DPP3: variants seen among roughly 807,000 people sequenced by gnomAD.
DPP3 encodes the protein dipeptidyl peptidase 3, also known as DPP III.
Under a neutral mutation model 89.8 loss-of-function variants are expected in DPP3, and 64 were observed. The ratio of observed to expected loss-of-function variants is 0.71; its 90% CI spans 0.58 to 0.88. The LOEUF is 0.88. DPP3 is among the 40% of genes least tolerant of loss of function. The probability of loss-of-function intolerance (pLI) is 0.00; values close to 1 mark genes in which losing one functional copy is unlikely to be tolerated. For missense variants in DPP3, 835 were observed against 972.5 expected (o/e 0.86, Z 1.88); for synonymous variants, 377 against 404.3 (o/e 0.93, Z 0.81).
At chr11:66,499,469 A>G (rs1307813280) in intron 16 of DPP3, among the ~76,000 whole-genome samples, 1 of 151,830 alleles carries the variant, frequency 6.6e-6, no homozygotes, top group African/African-American at 2.4e-5. Flanking sequence ...CCACAGTAAA[A>G]TACAACAAGA....
At chr11:66,481,346 T>G (rs757494828) in intron 1 of DPP3, among the ~76,000 whole-genome samples, 93 of 152,098 alleles carry the variant, frequency 6.1e-4, no homozygotes, top group Non-Finnish European at 1.1e-3. Context: ...AAAAATTAGC[T>G]GGGCATGGTG....
intron 17 of DPP3, among the ~76,000 whole-genome samples, chr11:66,506,393 T>C (rs1354469538): frequency 6.6e-6 from 1 of 151,872 alleles, no homozygotes; most frequent in Non-Finnish European, 1.5e-5. Context: ...TAGCTGGGAT[T>C]ACAGGCGCGT....
At position 66,493,085 on chromosome 11, in the gene DPP3, C is replaced by G. The variant is rs141664031; in HGVS notation, c.1202C>G (p.Thr401Arg). 1.2e-6 allele frequency: 2 copies of G among 1,614,146 alleles called. No individual in the cohort carries two copies. Among genetic ancestry groups the G allele is most frequent in the Non-Finnish European group, 8.5e-7 (1 of 1,180,042 alleles). Residue 401 changes from threonine (T) to arginine (R), a missense_variant, in exon 11 of 18, where the codon ACG (threonine) becomes AGG (arginine). By Grantham distance (71) the Thr-to-Arg change is moderately conservative. Transcript: ENST00000531863. Reference sequence around the variant, plus strand: ...TCTCCAGACGATGATCTGAGGCAGACGGAAGGCTTTAAGAACGTGTCGCTG... The same window carrying G: ...TCTCCAGACGATGATCTGAGGCAGAGGGAAGGCTTTAAGAACGTGTCGCTG... ...NIPNYDDLRQ[T>R]EGFKNVSLGN...
chr11:66,508,548 G>A lies in DPP3; in HGVS notation c.2042-531G>A, dbSNP rs568536395. 3.3e-5 allele frequency among the ~76,000 whole-genome samples: 5 copies of A among 152,052 alleles called. No homozygotes were observed. In the East Asian group the frequency reaches 7.7e-4, roughly 23 times the overall value. ...TTTATTTATTTATTTATTTTGAGGTGGAATCTCACTGTCACCCAGGCTGGA... is the reference window on the plus strand; with the variant it reads ...TTTATTTATTTATTTATTTTGAGGTAGAATCTCACTGTCACCCAGGCTGGA... On this transcript the variant is annotated intron_variant, in intron 17 of 17. Transcript: ENST00000531863.
At chr11:66,500,135 C>G (rs1590744929) in intron 16 of DPP3, among the ~76,000 whole-genome samples, 1 of 152,252 alleles carries the variant, frequency 6.6e-6, no homozygotes, top group East Asian at 1.9e-4. Flanking sequence ...AGACAGATCA[C>G]TTGAGGTAAG....
At chr11:66,488,521 C>G (rs1264949938) in intron 6 of DPP3, among the ~76,000 whole-genome samples, 2 of 150,748 alleles carry the variant, frequency 1.3e-5, no homozygotes, top group Non-Finnish European at 2.9e-5. Flanking sequence ...GAGATCTTAC[C>G]ACTGCACTCC....
intron 6 of DPP3, among the ~76,000 whole-genome samples, chr11:66,490,066 C>A (rs977298611): frequency 6.7e-6 from 1 of 149,608 alleles, no homozygotes; most frequent in Non-Finnish European, 1.5e-5. Flanking sequence ...GTAATCCCAG[C>A]TACTCAGGAG....
At position 66,490,767 on chromosome 11, in the gene DPP3, G is replaced by GTTT. The variant is rs1441207501; in HGVS notation, c.668-484_668-482dup. 3.7e-3 allele frequency among the ~76,000 whole-genome samples: 507 copies of GTTT among 138,050 alleles called. 26 individuals are homozygous for GTTT. In the East Asian group the frequency reaches 0.092, roughly 25 times the overall value. 90.6% of individuals were successfully genotyped at this position (138,050 alleles called of 152,430 possible). On this transcript the variant is annotated intron_variant, in intron 6 of 17. Transcript: ENST00000531863. ...TTTGGGGTTTTGTTTTGTTTTTTTT[G>GTTT]TTTTGTTTTTTTTTTTTTTGAGATG...
intron 16 of DPP3, among the ~76,000 whole-genome samples, chr11:66,502,030 T>TA (rs1230590001): frequency 6.6e-6 from 1 of 151,502 alleles, no homozygotes; most frequent in Non-Finnish European, 1.5e-5. Context: ...CCGTCTCTAC[T>TA]AAAAATACAA....
At chr11:66,508,319 G>C (rs1185063198) in intron 17 of DPP3, among the ~76,000 whole-genome samples, 2 of 152,164 alleles carry the variant, frequency 1.3e-5, no homozygotes, top group Non-Finnish European at 2.9e-5. Context: ...ATGGTGGCTA[G>C]CATTTGTTGA....
intron 16 of DPP3, among the ~76,000 whole-genome samples, chr11:66,504,223 G>A (rs978756139): frequency 6.6e-6 from 1 of 151,702 alleles, no homozygotes; most frequent in African/African-American, 2.4e-5. Context: ...CTCCCCAAGT[G>A]CCCAGGATTG....
At chr11:66,505,420 CTG>C (rs1285696656) in intron 17 of DPP3, among the ~76,000 whole-genome samples, 1 of 152,180 alleles carries the variant, frequency 6.6e-6, no homozygotes, top group Non-Finnish European at 1.5e-5. Flanking sequence ...CAGAACCACC[CTG>C]TGACTTTGGC....
intron 2 of DPP3, among the ~76,000 whole-genome samples, chr11:66,483,942 A>T (rs1855154665): frequency 6.6e-6 from 1 of 152,118 alleles, no homozygotes; most frequent in African/African-American, 2.4e-5. Flanking sequence ...TTATAAACAG[A>T]AAGGTGCAAC....
intron 2 of DPP3, among the ~76,000 whole-genome samples, chr11:66,484,287 A>G (rs965254851): frequency 2.6e-5 from 4 of 152,074 alleles, no homozygotes; most frequent in Non-Finnish European, 5.9e-5. Flanking sequence ...ATTTAGGGGA[A>G]TTCATATGTT....
chr11:66,500,025 A>G (rs1003352469), intron 16 of DPP3, among the ~76,000 whole-genome samples: 3 of 152,252 alleles, frequency 2.0e-5, no homozygotes, highest in African/African-American at 7.2e-5. Flanking sequence ...TATGGGGACT[A>G]CTGTACTGAC....
intron 16 of DPP3, among the ~76,000 whole-genome samples, chr11:66,498,133 G>C (rs1477896667): frequency 6.7e-6 from 1 of 150,258 alleles, no homozygotes; most frequent in African/African-American, 2.5e-5. Flanking sequence ...TCGCTCTGTC[G>C]CCCAGGCTGG....
At chr11:66,504,135 C>CT (rs1177525605) in intron 16 of DPP3, among the ~76,000 whole-genome samples, 1 of 151,832 alleles carries the variant, frequency 6.6e-6, no homozygotes, top group South Asian at 2.1e-4. Context: ...CTTTCTTTTC[C>CT]TTTTTTTTAG....
chr11:66,503,474 G>A (rs1855728245), intron 16 of DPP3, among the ~76,000 whole-genome samples: 1 of 152,180 alleles, frequency 6.6e-6, no homozygotes, highest in Non-Finnish European at 1.5e-5. Flanking sequence ...GAGTGGTTTA[G>A]TAACTTGTCC....
chr11:66,503,268 G>A (rs1855724076), intron 16 of DPP3, among the ~76,000 whole-genome samples: 3 of 152,082 alleles, frequency 2.0e-5, no homozygotes, highest in Admixed American at 6.6e-5. Flanking sequence ...TGCCCAGCCA[G>A]AAATGTTTTA....
Sources: allele counts gnomAD v4.1 joint callset (sites outside exome capture counted in the v4.1 genomes callset), GRCh38; gene constraint gnomAD v4.1.1; transcripts MANE v1.5; gene names NCBI Gene and HGNC (gene_info 2026-07-23, HGNC 2026-07-21).